POMT1: variants seen among roughly 807,000 people sequenced by gnomAD.
The protein encoded by POMT1 is protein O-mannosyl-transferase 1.
A neutral mutation model predicts 101.6 loss-of-function variants in POMT1; 85 were observed. The ratio of observed to expected loss-of-function variants is 0.84; its 90% CI spans 0.70 to 1.00. The LOEUF (loss-of-function observed/expected upper bound fraction) is 1.00. POMT1 is among the 50% of genes least tolerant of loss of function. POMT1 has a pLI of 0.00. For synonymous variants in POMT1, 371 were observed against 383.0 expected (o/e 0.97, Z 0.37); for missense variants, 857 against 930.4 (o/e 0.92, Z 1.03).
At chr9:131,504,453 G>C (rs934004706) in intron 2 of POMT1, 113 bp downstream of exon 2, 1 of 1,528,792 alleles carries the variant, frequency 6.5e-7, no homozygotes, top group Non-Finnish European at 9.0e-7. Context: ...CTTGGTGATA[G>C]GTGTTTTTGG....
chr9:131,517,828 G>A (rs1002710833), intron 13 of POMT1, among the ~76,000 whole-genome samples: 2 of 152,206 alleles, frequency 1.3e-5, no homozygotes, highest in African/African-American at 4.8e-5. Context: ...AGGTGTGCGC[G>A]CCCGGCCTGC....
At chr9:131,521,955 A>G in intron 18 of POMT1, 92 bp from the exon 19 acceptor site, 2 of 1,592,294 alleles carry the variant, frequency 1.3e-6, no homozygotes, top group Non-Finnish European at 8.5e-7. Flanking sequence ...TGGGCAACAT[A>G]GTAAGAACCC....
In POMT1 at chr9:131,519,165, A is replaced by G. The variant is rs574279941; in HGVS notation, c.1486+208A>G. Among the ~76,000 whole-genome samples the G allele has an allele frequency of 9.2e-5, 14 of 152,220 alleles. No homozygotes were observed. The South Asian group carries it at 2.5e-3, about 27-fold the overall frequency. On this transcript the variant is annotated intron_variant, in intron 15 of 19. Transcript: ENST00000402686. The surrounding 1 kb of genome is among the most constrained non-coding windows in gnomAD (Gnocchi z 4.3). ...TCTTCCGAGGTGTCGCTGGAAGGCA[A>G]CCAGTTTATCCCCGTGCAAGTGGAG...
At position 131,510,371 on chromosome 9, in the gene POMT1, C is replaced by A; in HGVS notation, c.811C>A (p.Pro271Thr). 1 of 1,614,172 alleles carries A rather than the reference C, an allele frequency of 6.2e-7. No homozygotes were observed. The highest frequency in any genetic ancestry group is 8.5e-7 in the Non-Finnish European group (1 of 1,180,010). Residue 271 changes from proline to threonine, a missense_variant, in exon 9 of 20, where the codon CCC (proline) becomes ACC (threonine). Coordinates refer to ENST00000402686, the MANE Select transcript of POMT1 (RefSeq NM_001077365.2). ...CTTGATTCTAGTCTTCCGCTCTGGG[C>A]CCCACGACCAAATCATGTCCAGTGC... The part of the protein sequence containing the change: ...VHLILVFRSG[P>T]HDQIMSSAFQ...
chr9:131,504,236 G>T lies in POMT1; in HGVS notation c.18G>T (p.Lys6Asn). MWGFL[K>N]RPVVVTADIN... ...TCTACAAGATGTGGGGATTTTTGAA[G>T]CGCCCTGTAGTGGTGACGGCTGACA... is the stretch of plus-strand genomic sequence containing the variant. Residue 6 changes from lysine to asparagine, a missense_variant, in exon 2 of 20, where the codon AAG (lysine) becomes AAT (asparagine). Coordinates refer to ENST00000402686, the MANE Select transcript of POMT1 (RefSeq NM_001077365.2). The T allele has an allele frequency of 6.2e-7, 1 of 1,614,176 alleles. No homozygotes were observed. The highest frequency in any genetic ancestry group is 8.5e-7 in the Non-Finnish European group (1 of 1,180,022).
In POMT1 at chr9:131,518,949, A is replaced by T; in HGVS notation, c.1478A>T (p.Tyr493Phe). The change falls in exon 15 of 20, where the codon TAC becomes TTC. Residue 493 changes from tyrosine to phenylalanine, a missense_variant. Tyr to Phe is a conservative substitution (Grantham distance 22, BLOSUM62 3). Transcript: ENST00000402686. Reference protein sequence around the residue: ...STVWNVEEHRYGASQEQRERE... With the variant: ...STVWNVEEHRFGASQEQRERE... ...GTGTGGAACGTGGAGGAGCACCGAT[A>T]CGGCGCGAGTGAGTCCGCGGCGTGG... The T allele has an allele frequency of 1.9e-6, 3 of 1,613,488 alleles. No individual in the cohort carries two copies. The highest frequency in any genetic ancestry group is 2.5e-6 in the Non-Finnish European group (3 of 1,180,018).
Position 131,506,202 on chromosome 9 carries a change from A to G in POMT1, c.211A>G (p.Met71Val). 2 of 1,614,206 alleles carry G rather than the reference A, an allele frequency of 1.2e-6. No individual in the cohort carries two copies. Among genetic ancestry groups the G allele is most frequent in the Non-Finnish European group, 1.7e-6 (2 of 1,180,014 alleles). The change falls in exon 3 of 20, where the codon ATG (methionine) becomes GTG (valine). Residue 71 changes from methionine (M) to valine (V), a missense_variant. Coordinates refer to ENST00000402686, the MANE Select transcript of POMT1 (RefSeq NM_001077365.2). ...TGACAGTGGGCCGCCATTTGGCCAC[A>G]TGGTGCTGGCCTTGGGAGGTAGGAG... ...LDDSGPPFGH[M>V]VLALGGYLGG...
chr9:131,520,242 T>A (rs1949649182), intron 17 of POMT1, 49 bp downstream of exon 17: 1 of 1,457,038 alleles, frequency 6.9e-7, no homozygotes, highest in African/African-American at 1.4e-5. Flanking sequence ...ATCCTGTTTC[T>A]TGAGAATTCC....
chr9:131,516,048 G>A (rs111361129), intron 13 of POMT1, among the ~76,000 whole-genome samples: 10 of 105,496 alleles, frequency 9.5e-5, no homozygotes, highest in Non-Finnish European at 1.3e-4. Context: ...CTCACACGGA[G>A]CACTTCCTCT....
At chr9:131,504,064 G>T in intron 1 of POMT1, 125 bp from the exon 2 acceptor site, 1 of 1,143,292 alleles carries the variant, frequency 8.7e-7, no homozygotes, top group East Asian at 2.4e-5. Flanking sequence ...CAGGAACTTC[G>T]GTCTTTCTCA....
At chr9:131,520,920 G>A (rs1048376387) in intron 17 of POMT1, among the ~76,000 whole-genome samples, 1 of 152,204 alleles carries the variant, frequency 6.6e-6, no homozygotes, top group Non-Finnish European at 1.5e-5. Flanking sequence ...TTGGCTCACT[G>A]CAACCTCCAC....
At chr9:131,506,702 G>A (rs114442762) in intron 4 of POMT1, 377 of 531,064 alleles carry the variant, frequency 7.1e-4, no homozygotes, top group African/African-American at 6.6e-3. Context: ...GTTGGTACAC[G>A]TATCACAGAG....
At position 131,522,358 on chromosome 9, in the gene POMT1, G is replaced by A; in HGVS notation, c.2003+134G>A. 6.7e-7 allele frequency: 1 copy of A among 1,499,170 alleles called. No homozygotes were observed. The highest frequency in any genetic ancestry group is 8.9e-7 in the Non-Finnish European group (1 of 1,121,698). The allele number at this position is 1,499,170 out of a possible 1,614,324, so 92.9% of individuals were successfully genotyped here. A position where few individuals can be genotyped will look rare whatever the true frequency, so the allele number is the denominator to read the frequency against. ...ACTGACATCCTCCGGGTCCCTCCGG[G>A]GAATGGGTGAGGTTCAGAAGAGATG... On this transcript the variant is annotated intron_variant, in intron 19 of 19. Coordinates refer to ENST00000402686, the MANE Select transcript of POMT1 (RefSeq NM_001077365.2). The surrounding 1 kb of genome is among the most constrained non-coding windows in gnomAD (Gnocchi z 5.5).
At position 131,504,022 on chromosome 9, in the gene POMT1, C is replaced by T. The variant is rs1160791119; in HGVS notation, c.-30-167C>T. On this transcript the variant is annotated intron_variant, in intron 1 of 19. Coordinates refer to ENST00000402686, the MANE Select transcript of POMT1 (RefSeq NM_001077365.2). ...CCACCCGAGTTCACTGCTAGTGCCC[C>T]TCACCCCACATGTCTACCTGAACCA... is the stretch of plus-strand genomic sequence containing the variant. 4.6e-5 allele frequency among the ~76,000 whole-genome samples: 7 copies of T among 152,180 alleles called. No homozygotes were observed. The East Asian group carries it at 1.3e-3, about 29-fold the overall frequency.
At chr9:131,504,129 G>A (rs1945193286) in intron 1 of POMT1, 60 bp from the exon 2 acceptor site, 1 of 1,601,990 alleles carries the variant, frequency 6.2e-7, no homozygotes, top group African/African-American at 1.3e-5. Context: ...GGTGGCTGGG[G>A]ATCCCTTCTG....
intron 13 of POMT1, among the ~76,000 whole-genome samples, chr9:131,515,990 A>G (rs563097268): frequency 2.1e-5 from 2 of 94,644 alleles, no homozygotes; most frequent in African/African-American, 7.4e-5. Context: ...TCACACTCAC[A>G]CGGAGCACTT....
In POMT1 at chr9:131,522,583, C is replaced by T. The variant is rs1041672455; in HGVS notation, c.2004-349C>T. 4 of 523,068 alleles carry T rather than the reference C, an allele frequency of 7.6e-6. No homozygotes were observed. Among genetic ancestry groups the T allele is most frequent in the Admixed American group, 3.2e-5 (1 of 31,264 alleles). 32.4% of individuals were successfully genotyped at this position (523,068 alleles called of 1,614,324 possible). A position where few individuals can be genotyped will look rare whatever the true frequency, so the allele number is the denominator to read the frequency against. ...GGGTTGTGTGGTGTGGTGGAGAGAA[C>T]CCAAGAAAGCTTCTAAACCAGAGTG... On this transcript the variant is annotated intron_variant, in intron 19 of 19. Transcript: ENST00000402686. The surrounding 1 kb of genome is among the most constrained non-coding windows in gnomAD (Gnocchi z 5.5).
chr9:131,509,330 T>C (rs1946581876), intron 6 of POMT1, among the ~76,000 whole-genome samples: 1 of 152,114 alleles, frequency 6.6e-6, no homozygotes. Context: ...TTAGTATTTT[T>C]AGTGGAGACG....
rs144338642 is a variant in POMT1 at position 131,521,374 on chromosome 9, T to G, written c.1727T>G (p.Val576Gly). The stretch of plus-strand genomic sequence containing the variant: ...CAGATCCACCTACTTGGAAACATAG[T>G]GATCTGGGTTTCGGGCAGCCTCGCT... ...SAQIHLLGNI[V>G]IWVSGSLALA... is the part of the protein sequence containing the mutation. The change falls in exon 18 of 20, where the codon GTG becomes GGG. Residue 576 changes from valine (V) to glycine (G), a missense_variant. Physicochemically the swap from Val to Gly is moderately radical, Grantham distance 109. Transcript: ENST00000402686. The G allele has an allele frequency of 6.2e-7, 1 of 1,614,054 alleles. No individual in the cohort carries two copies. The highest frequency in any genetic ancestry group is 8.5e-7 in the Non-Finnish European group (1 of 1,180,018).
Sources: allele counts gnomAD v4.1 joint callset (sites outside exome capture counted in the v4.1 genomes callset), GRCh38; gene constraint gnomAD v4.1.1; non-coding constraint Gnocchi (gnomAD v3.1); transcripts MANE v1.5; gene names NCBI Gene and HGNC (gene_info 2026-07-23, HGNC 2026-07-21).